PASD1: variants seen among roughly 807,000 people sequenced by gnomAD.
The protein encoded by PASD1 is PAS domain containing repressor 1, also known as circadian clock protein PASD1.
Under a neutral mutation model 58.8 loss-of-function variants are expected in PASD1, and 13 were observed. The observed-to-expected ratio is 0.22, with a 90% confidence interval of 0.14 to 0.35. PASD1 has a LOEUF of 0.35. PASD1 is among the 10% of genes least tolerant of loss of function. The pLI is 1.00. For synonymous variants in PASD1, 236 were observed against 216.7 expected, an observed-to-expected ratio of 1.09 and a Z score of -0.78; for missense variants, 734 against 568.3, an observed-to-expected ratio of 1.29 and a Z score of -2.96.
At chrX:151,649,227 C>G (rs2124296554) in intron 9 of PASD1, among the ~76,000 whole-genome samples, 1 of 111,911 alleles carries the variant, frequency 8.9e-6, no homozygotes, top group Admixed American at 9.4e-5. Flanking sequence ...TAGAGAAGAA[C>G]AGAAGAGGTA....
chrX:151,600,055 G>C (rs2013391089), intron 1 of PASD1, among the ~76,000 whole-genome samples: 1 of 112,267 alleles, frequency 8.9e-6, no homozygotes, highest in Non-Finnish European at 1.9e-5. Context: ...TCGCGGTCAG[G>C]AGCTGGAGAC....
At chrX:151,672,121 A>G (rs1446734236) in intron 13 of PASD1, 62 bp from the exon 14 acceptor site, 1 of 1,113,461 alleles carries the variant, frequency 9.0e-7, no homozygotes, top group African/African-American at 1.9e-5. Flanking sequence ...GGAGTGTTAA[A>G]TAAGTTTCTG....
intron 4 of PASD1, among the ~76,000 whole-genome samples, chrX:151,619,846 G>A (rs745691953): frequency 2.7e-5 from 3 of 111,722 alleles, no homozygotes; most frequent in Non-Finnish European, 5.6e-5. Context: ...AAGTGGACCA[G>A]ATAAGCAGAG....
intron 14 of PASD1, chrX:151,673,253 G>A (rs746697348): frequency 8.6e-6 from 1 of 116,885 alleles, no homozygotes; most frequent in African/African-American, 3.2e-5. Context: ...CCAAATGCTA[G>A]AAAGATAAGG....
chrX:151,662,024 G>C (rs1284925095), intron 10 of PASD1, among the ~76,000 whole-genome samples: 1 of 112,273 alleles, frequency 8.9e-6, no homozygotes, highest in African/African-American at 3.2e-5. Flanking sequence ...TATTTGAGGG[G>C]AGCTACATTG....
chrX:151,662,082 AT>A (rs1488856106), intron 10 of PASD1, among the ~76,000 whole-genome samples: 1 of 112,474 alleles, frequency 8.9e-6, no homozygotes, highest in Non-Finnish European at 1.9e-5. Flanking sequence ...TCTCCTTCAC[AT>A]TTAGCATCAT....
chrX:151,622,237 T>C (rs2013721853), intron 6 of PASD1, among the ~76,000 whole-genome samples: 1 of 110,805 alleles, frequency 9.0e-6, no homozygotes. Flanking sequence ...AGCTGAGAAA[T>C]TAACATAAAT....
At chrX:151,569,318 T>TTCCGTC (rs1454294325) in intron 1 of PASD1, among the ~76,000 whole-genome samples, 2 of 112,049 alleles carry the variant, frequency 1.8e-5, no homozygotes, top group Non-Finnish European at 3.8e-5. Flanking sequence ...GTTTACTCTT[T>TTCCGTC]TCCGTCTCCC....
chrX:151,599,548 C>T (rs763764681), intron 1 of PASD1, among the ~76,000 whole-genome samples: 3,600 of 109,265 alleles, frequency 0.033, 109 homozygotes, highest in African/African-American at 0.09. Context: ...ACTTCTCAGA[C>T]GGGGCGGCCG....
chrX:151,667,786 T>C (rs138774383), intron 11 of PASD1, among the ~76,000 whole-genome samples: 1,411 of 112,056 alleles, frequency 0.013, 31 homozygotes, highest in African/African-American at 0.044. Flanking sequence ...TACTGTAGCC[T>C]TGTGGTATAG....
At chrX:151,602,060 T>A (rs904423629) in intron 2 of PASD1, among the ~76,000 whole-genome samples, 1 of 112,462 alleles carries the variant, frequency 8.9e-6, no homozygotes, top group African/African-American at 3.2e-5. Context: ...ATACATTTGA[T>A]ACATTGTGGA....
intron 11 of PASD1, among the ~76,000 whole-genome samples, chrX:151,665,483 G>A: frequency 8.9e-6 from 1 of 112,026 alleles, no homozygotes; most frequent in Non-Finnish European, 1.9e-5. Context: ...TCAGCAACCT[G>A]GAGTGTATCC....
intron 1 of PASD1, among the ~76,000 whole-genome samples, chrX:151,582,755 A>G (rs16995599): frequency 9.0e-6 from 1 of 111,258 alleles, no homozygotes; most frequent in South Asian, 3.9e-4. Context: ...AAATATTCAA[A>G]TCCCGTGTCT....
chrX:151,631,434 C>T (rs185894297), intron 8 of PASD1, among the ~76,000 whole-genome samples: 1 of 111,916 alleles, frequency 8.9e-6, no homozygotes, highest in Non-Finnish European at 1.9e-5. Flanking sequence ...AGGGATGTTA[C>T]TAAGAGAAAA....
rs1354453966 is a variant in PASD1, at chrX:151,672,409, A to G, written c.1664A>G (p.Gln555Arg). The G allele has an allele frequency of 5.8e-6, 7 of 1,209,375 alleles. No homozygotes were observed. The Admixed American group carries it at 8.7e-5, about 15-fold the overall frequency. ...AAGAAGTGGCAGGGGCAGATGCTACAGAAAGAGCCAGAGGAGGAGCAGCAG... is the reference window on the plus strand; with the variant it reads ...AAGAAGTGGCAGGGGCAGATGCTACGGAAAGAGCCAGAGGAGGAGCAGCAG... ...ERKKWQGQML[Q>R]KEPEEEQQKQ... The change falls in exon 14 of 16, where the codon CAG (glutamine) becomes CGG (arginine). Residue 555 changes from glutamine to arginine, a missense_variant. Physicochemically the swap from Gln to Arg is conservative, Grantham distance 43. Coordinates refer to ENST00000370357, the MANE Select transcript of PASD1 (RefSeq NM_173493.3).
chrX:151,598,951 T>C (rs2013359308), intron 1 of PASD1, among the ~76,000 whole-genome samples: 1 of 111,250 alleles, frequency 9.0e-6, no homozygotes, highest in Admixed American at 9.5e-5. Flanking sequence ...CTGGTTTTCC[T>C]AGGCAGAGGG....
rs745385495 is a variant in PASD1 at position 151,625,493 on chromosome X, C to A, written c.592C>A (p.Gln198Lys). Residue 198 changes from glutamine to lysine, a missense_variant, in exon 8 of 16, where the codon CAA becomes AAA. By Grantham distance (53) the Gln-to-Lys change is moderately conservative. Coordinates refer to ENST00000370357, the MANE Select transcript of PASD1 (RefSeq NM_173493.3). ...AGTCAGTGATGAAGCTGTACTTACA[C>A]AAGATTCAGATGAGGAACCTTTTGT... Reference protein sequence around the residue: ...KAVSDEAVLTQDSDEEPFVGE... With the variant: ...KAVSDEAVLTKDSDEEPFVGE... The A allele has an allele frequency of 1.2e-5, 15 of 1,209,344 alleles. No individual in the cohort carries two copies. The highest frequency in any genetic ancestry group is 4.4e-5 in the Admixed American group (2 of 45,928).
chrX:151,578,920 AT>A (rs767645883), intron 1 of PASD1, among the ~76,000 whole-genome samples: 1 of 111,456 alleles, frequency 9.0e-6, no homozygotes, highest in East Asian at 2.8e-4. Flanking sequence ...ATATTATTTG[AT>A]TTTTTTTCTT....
intron 8 of PASD1, among the ~76,000 whole-genome samples, chrX:151,647,920 G>T (rs2014080712): frequency 9.0e-6 from 1 of 110,946 alleles, no homozygotes; most frequent in Admixed American, 9.6e-5. Context: ...CTGAGGTCTT[G>T]TTTTTTATAA....
Sources: gnomAD v4.1 joint callset for allele counts (sites outside exome capture counted in the v4.1 genomes callset) on GRCh38, gnomAD v4.1.1 for gene constraint, MANE v1.5 for transcripts, NCBI Gene and HGNC (gene_info 2026-07-23, HGNC 2026-07-21) for gene names.